Variants in ZNF385D observed in about 807,000 individuals in gnomAD.
ZNF385D encodes zinc finger protein 385D.
In ZNF385D, 15 loss-of-function variants were observed where a neutral mutation model predicts 35.8. That is an observed-to-expected ratio of 0.42 (90% CI 0.28 to 0.64). The LOEUF is 0.64. Among genes scored for constraint, ZNF385D ranks in the 30% least tolerant of loss-of-function variants. The pLI is 0.23. For synonymous variants in ZNF385D, 212 were observed against 186.8 expected, an observed-to-expected ratio of 1.13 and a Z score of -1.10; for missense variants, 474 against 494.6, an observed-to-expected ratio of 0.96 and a Z score of 0.39.
chr3:21,974,627 A>G (rs1213426054), intron 3 of ZNF385D, among the ~76,000 whole-genome samples: 1 of 152,186 alleles, frequency 6.6e-6, no homozygotes, highest in Non-Finnish European at 1.5e-5. Context: ...CAACAAATTG[A>G]AGAAACAACC....
intron 4 of ZNF385D, among the ~76,000 whole-genome samples, chr3:21,462,754 G>T (rs538152597): frequency 1.3e-5 from 2 of 152,152 alleles, no homozygotes; most frequent in Non-Finnish European, 2.9e-5. Context: ...GGCCGAGGAG[G>T]GTAGATCACC....
chr3:21,888,485 A>G (rs944862276), intron 3 of ZNF385D, among the ~76,000 whole-genome samples: 1 of 152,158 alleles, frequency 6.6e-6, no homozygotes, highest in East Asian at 1.9e-4. Flanking sequence ...CTAGAGTTTC[A>G]TAAGTACCAG....
chr3:21,441,663 A>T, intron 4 of ZNF385D: 2 of 984,832 alleles, frequency 2.0e-6, no homozygotes, highest in Non-Finnish European at 2.4e-6. Context: ...AAAGAAAAGG[A>T]AAACCTATAG....
At chr3:21,998,097 T>A (rs1695597801) in intron 3 of ZNF385D, among the ~76,000 whole-genome samples, 2 of 152,132 alleles carry the variant, frequency 1.3e-5, no homozygotes, top group African/African-American at 2.4e-5. Context: ...CATGCCAATA[T>A]ACAAATGCCA....
chr3:21,985,017 G>A (rs900453166), intron 3 of ZNF385D, among the ~76,000 whole-genome samples: 2 of 150,880 alleles, frequency 1.3e-5, no homozygotes, highest in African/African-American at 2.4e-5. Context: ...CATTGATTTT[G>A]TATCCTGAGA....
In ZNF385D at chr3:21,997,661, T is replaced by C. The variant is rs116688025; in HGVS notation, c.325+171156A>G. On this transcript the variant is annotated intron_variant, in intron 3 of 5. Transcript: ENST00000494108. ...GTTTGCATATCATAGTTTATTTCTC[T>C]TTCACATTTCTCTCTTTCAAGTTAT... 5.5e-3 allele frequency among the ~76,000 whole-genome samples: 839 copies of C among 152,222 alleles called. 9 individuals are homozygous for C. Among genetic ancestry groups the C allele is most frequent in the African/African-American group, 0.019 (770 of 41,546 alleles).
intron 3 of ZNF385D, among the ~76,000 whole-genome samples, chr3:22,103,524 G>C (rs1000876282): frequency 2.0e-5 from 3 of 152,016 alleles, no homozygotes; most frequent in African/African-American, 7.2e-5. Flanking sequence ...ATGGATGTGG[G>C]AAATTATCTT....
At chr3:22,156,154 G>T (rs901515431) in intron 3 of ZNF385D, among the ~76,000 whole-genome samples, 1 of 151,876 alleles carries the variant, frequency 6.6e-6, no homozygotes, top group Admixed American at 6.6e-5. Context: ...GTACTTATCA[G>T]GTTAAAAATA....
chr3:21,674,097 G>A (rs1324454810), intron 1 of ZNF385D, among the ~76,000 whole-genome samples: 1 of 152,126 alleles, frequency 6.6e-6, no homozygotes, highest in Non-Finnish European at 1.5e-5. Context: ...CTCTGTGCCA[G>A]TGGGGCTGGG....
chr3:21,511,728 G>T (rs1404924168), intron 3 of ZNF385D: 1 of 456,496 alleles, frequency 2.2e-6, no homozygotes. Context: ...CTACCTAATG[G>T]GGCCAATCCA....
In ZNF385D at chr3:21,787,534, T is replaced by G. The variant is rs374007834; in HGVS notation, c.326-122506A>C. On this transcript the variant is annotated intron_variant, in intron 3 of 5. Transcript: ENST00000494108. ...TGTCCTATGGAAGAGTAGAAGCCCT[T>G]TCTTAGGAGAAACAGTAAGATTCCA... 5.3e-5 allele frequency among the ~76,000 whole-genome samples: 8 copies of G among 152,188 alleles called. No homozygotes were observed. The South Asian group carries it at 1.7e-3, about 32-fold the overall frequency.
intron 4 of ZNF385D, among the ~76,000 whole-genome samples, chr3:21,453,309 C>T (rs1702582099): frequency 6.6e-6 from 1 of 151,684 alleles, no homozygotes; most frequent in South Asian, 2.1e-4. Flanking sequence ...TTGTATTAGG[C>T]AATGGTTTCT....
At chr3:21,989,749 T>C (rs1277287677) in intron 3 of ZNF385D, among the ~76,000 whole-genome samples, 1 of 152,196 alleles carries the variant, frequency 6.6e-6, no homozygotes, top group Non-Finnish European at 1.5e-5. Context: ...TCTCCTCATC[T>C]AAGCGCATTA....
Position 21,421,268 on chromosome 3 carries a change from T to G in ZNF385D, c.1134A>C (p.Pro378=), listed in dbSNP as rs773661963. Residue 378 remains proline (P), a synonymous_variant, in exon 8 of 8, where the codon CCA becomes CCC. Transcript: ENST00000281523. The part of the protein sequence containing the change: ...TSALPPALLR[P]APGPIRTAHT... ...GGGCGGTCCGAATGGGTCCAGGAGC[T>G]GGCCGCAGGAGTGCCGGAGGAAGCG... is the stretch of plus-strand genomic sequence containing the variant. 1.2e-6 allele frequency: 2 copies of G among 1,614,154 alleles called. No individual in the cohort carries two copies. The highest frequency in any genetic ancestry group is 4.5e-5 in the East Asian group (2 of 44,876).
At chr3:22,251,195 A>G (rs1489383303) in intron 2 of ZNF385D, among the ~76,000 whole-genome samples, 1 of 152,166 alleles carries the variant, frequency 6.6e-6, no homozygotes, top group African/African-American at 2.4e-5. Context: ...CTGATGTTTT[A>G]AAGTAGACGT....
intron 1 of ZNF385D, among the ~76,000 whole-genome samples, chr3:21,694,851 C>A (rs2067415857): frequency 1.3e-5 from 2 of 151,890 alleles, no homozygotes; most frequent in South Asian, 4.2e-4. Flanking sequence ...TTAAAACAAA[C>A]AAGCAAAAAG....
At chr3:22,101,339 T>C (rs577214179) in intron 3 of ZNF385D, among the ~76,000 whole-genome samples, 30 of 152,130 alleles carry the variant, frequency 2.0e-4, no homozygotes, top group African/African-American at 6.0e-4. Context: ...TAGATACACA[T>C]ACATAACCTT....
intron 1 of ZNF385D, among the ~76,000 whole-genome samples, chr3:21,675,809 T>A (rs1192300810): frequency 6.6e-6 from 1 of 152,114 alleles, no homozygotes; most frequent in African/African-American, 2.4e-5. Context: ...TGTTTTTCCA[T>A]AGGTATTAGA....
intron 5 of ZNF385D, among the ~76,000 whole-genome samples, chr3:21,432,493 C>T (rs577982076): frequency 3.9e-5 from 6 of 152,022 alleles, no homozygotes; most frequent in South Asian, 2.1e-4. Flanking sequence ...TAACTATAAA[C>T]GATCTCAAAG....
Sources: gnomAD v4.1 joint callset for allele counts (sites outside exome capture counted in the v4.1 genomes callset) on GRCh38, gnomAD v4.1.1 for gene constraint, MANE v1.5 for transcripts, NCBI Gene and HGNC (gene_info 2026-07-23, HGNC 2026-07-21) for gene names.